Variants in LDLRAD3 observed in about 807,000 individuals in gnomAD.
The protein encoded by LDLRAD3 is low density lipoprotein receptor class A domain containing 3.
In LDLRAD3, 20 loss-of-function variants were observed where a neutral mutation model predicts 29.4. The observed-to-expected ratio is 0.68, with a 90% confidence interval of 0.48 to 0.99. The LOEUF (loss-of-function observed/expected upper bound fraction) is 0.99. Ranked by LOEUF, LDLRAD3 falls within the 50% of genes least tolerant of loss-of-function variation. LDLRAD3 has a pLI of 0.00. For synonymous variants in LDLRAD3, 157 were observed against 192.7 expected, an observed-to-expected ratio of 0.81 and a Z score of 1.53; for missense variants, 420 against 454.3, an observed-to-expected ratio of 0.92 and a Z score of 0.69.
At chr11:36,180,771 G>T (rs1478473758) in intron 4 of LDLRAD3, among the ~76,000 whole-genome samples, 1 of 152,094 alleles carries the variant, frequency 6.6e-6, no homozygotes. Context: ...TGGGGGTGGG[G>T]TGCGGATGGT....
chr11:36,164,234 A>G (rs1335028093), intron 4 of LDLRAD3, among the ~76,000 whole-genome samples: 2 of 152,350 alleles, frequency 1.3e-5, no homozygotes, highest in South Asian at 4.1e-4. Context: ...TGTGAAGCAC[A>G]TGGGCGTTGG....
intron 2 of LDLRAD3, among the ~76,000 whole-genome samples, chr11:36,062,780 C>A (rs1003537644): frequency 6.6e-6 from 1 of 152,190 alleles, no homozygotes; most frequent in Non-Finnish European, 1.5e-5. Flanking sequence ...CCTTCCACCA[C>A]GATTGTAAGT....
At chr11:36,011,428 G>A (rs557234246) in intron 1 of LDLRAD3, among the ~76,000 whole-genome samples, 1 of 152,248 alleles carries the variant, frequency 6.6e-6, no homozygotes, top group East Asian at 1.9e-4. Context: ...AGTGAAAAAT[G>A]TCATTGTTGA....
chr11:36,039,359 C>T (rs1370242638), intron 2 of LDLRAD3, among the ~76,000 whole-genome samples: 1 of 152,164 alleles, frequency 6.6e-6, no homozygotes, highest in African/African-American at 2.4e-5. Context: ...GCCCTTCTTC[C>T]CCCTTAGGGG....
chr11:36,090,319 G>A (rs564562797), intron 3 of LDLRAD3, among the ~76,000 whole-genome samples: 5 of 152,178 alleles, frequency 3.3e-5, no homozygotes, highest in Non-Finnish European at 5.9e-5. Context: ...GGAAATGGTG[G>A]CCCTTTCATA....
intron 2 of LDLRAD3, among the ~76,000 whole-genome samples, chr11:36,045,907 A>G (rs1428149119): frequency 6.6e-6 from 1 of 152,060 alleles, no homozygotes; most frequent in Non-Finnish European, 1.5e-5. Flanking sequence ...TCAACCTGTC[A>G]TCTAGGTTTT....
chr11:35,976,821 G>A (rs1285910429), intron 1 of LDLRAD3, among the ~76,000 whole-genome samples: 2 of 152,020 alleles, frequency 1.3e-5, no homozygotes, highest in Admixed American at 1.3e-4. Flanking sequence ...ATATCGCAAG[G>A]TGGACGGTGA....
intron 1 of LDLRAD3, among the ~76,000 whole-genome samples, chr11:35,993,619 T>G (rs1851716004): frequency 6.8e-6 from 1 of 146,612 alleles, no homozygotes; most frequent in East Asian, 2.0e-4. Context: ...GGAATCAGTA[T>G]CAGATAATTG....
At chr11:35,945,050 G>A (rs1291079788) in intron 1 of LDLRAD3, among the ~76,000 whole-genome samples, 1 of 152,224 alleles carries the variant, frequency 6.6e-6, no homozygotes, top group Non-Finnish European at 1.5e-5. Context: ...TCCTGGACTG[G>A]GCCCGCCCTT....
chr11:36,222,176 C>T (rs964292553), intron 4 of LDLRAD3, among the ~76,000 whole-genome samples: 5 of 151,934 alleles, frequency 3.3e-5, no homozygotes, highest in Non-Finnish European at 5.9e-5. Flanking sequence ...TTCAAGAGAT[C>T]TTCCTTCTTA....
At chr11:36,059,358 GAAAA>G (rs11304561) in intron 2 of LDLRAD3, among the ~76,000 whole-genome samples, 2 of 136,594 alleles carry the variant, frequency 1.5e-5, no homozygotes, top group Non-Finnish European at 1.6e-5. Flanking sequence ...CCCTGTCTCA[GAAAA>G]AAAAAAAAAA....
At chr11:36,169,131 C>T (rs1590326968) in intron 4 of LDLRAD3, among the ~76,000 whole-genome samples, 1 of 152,270 alleles carries the variant, frequency 6.6e-6, no homozygotes, top group Admixed American at 6.5e-5. Context: ...TGGGGCAAAA[C>T]AAATCCTTCT....
At chr11:35,959,815 G>A (rs1416283427) in intron 1 of LDLRAD3, among the ~76,000 whole-genome samples, 2 of 152,012 alleles carry the variant, frequency 1.3e-5, no homozygotes, top group Non-Finnish European at 2.9e-5. Context: ...TGTGGTCCCT[G>A]TAGCTACTTG....
At chr11:36,147,574 A>T (rs1431285214) in intron 4 of LDLRAD3, among the ~76,000 whole-genome samples, 1 of 152,210 alleles carries the variant, frequency 6.6e-6, no homozygotes. Context: ...TAGAACATGG[A>T]CATAACTTTT....
intron 2 of LDLRAD3, among the ~76,000 whole-genome samples, chr11:36,044,542 C>T (rs78700232): frequency 0.024 from 3,665 of 152,306 alleles, 108 homozygotes; most frequent in East Asian, 0.13. Context: ...TTCCCACGCC[C>T]GGTCTTTTCT....
chr11:36,129,105 C>T (rs967667341), intron 4 of LDLRAD3, among the ~76,000 whole-genome samples: 2 of 152,112 alleles, frequency 1.3e-5, no homozygotes, highest in African/African-American at 4.8e-5. Context: ...AGGGAACCAG[C>T]CCCTGCCTCC....
At chr11:35,997,300 A>C (rs1419460702) in intron 1 of LDLRAD3, 2 of 414,066 alleles carry the variant, frequency 4.8e-6, no homozygotes, top group African/African-American at 4.2e-5. Flanking sequence ...TAGTGGTTTC[A>C]GAGAGTTCTC....
At chr11:35,965,438 T>C (rs117113914) in intron 1 of LDLRAD3, among the ~76,000 whole-genome samples, 1,805 of 152,308 alleles carry the variant, frequency 0.012, 18 homozygotes, top group Non-Finnish European at 0.019. Flanking sequence ...ACTATTCTGT[T>C]CAGAGGCTTG....
intron 4 of LDLRAD3, among the ~76,000 whole-genome samples, chr11:36,130,076 G>T (rs1853902990): frequency 6.6e-6 from 1 of 152,192 alleles, no homozygotes. Flanking sequence ...AATAGTAATG[G>T]CTAGCTTTTA....
Sources: gnomAD v4.1 joint callset for allele counts (sites outside exome capture counted in the v4.1 genomes callset) on GRCh38, gnomAD v4.1.1 for gene constraint, MANE v1.5 for transcripts, NCBI Gene and HGNC (gene_info 2026-07-23, HGNC 2026-07-21) for gene names.